BRI3BP: variants seen among roughly 807,000 people sequenced by gnomAD.
The protein encoded by BRI3BP is BRI3-binding protein.
BRI3BP carries 7 observed loss-of-function variants against 15.8 expected under a neutral mutation model. The ratio of observed to expected loss-of-function variants is 0.44; its 90% CI spans 0.25 to 0.83. The LOEUF is 0.83. Among genes scored for constraint, BRI3BP ranks in the 40% least tolerant of loss-of-function variants. BRI3BP has a pLI of 0.20. For missense variants in BRI3BP, 320 were observed against 339.3 expected (o/e 0.94, Z 0.45); for synonymous variants, 192 against 163.5 (o/e 1.17, Z -1.33).
rs1716595412 is a variant in BRI3BP, at chr12:125,026,154, C to T, written c.*724C>T. On this transcript the variant is annotated 3_prime_UTR_variant, in exon 3 of 3. Coordinates refer to ENST00000341446, the MANE Select transcript of BRI3BP (RefSeq NM_080626.6). ...CCTCTGTGCTTCGATGTATTTTAAC[C>T]TCAACATTTTGAAACGGAAAATGCA... 6.6e-6 allele frequency: 1 copy of T among 152,122 alleles called. No homozygotes were observed. The highest frequency in any genetic ancestry group is 2.1e-4 in the South Asian group (1 of 4,828). 9.4% of individuals were successfully genotyped at this position (152,122 alleles called of 1,614,324 possible).
chr12:125,042,565 C>T, the BRI3BP span, among the ~76,000 whole-genome samples: 6 of 151,002 alleles, frequency 4.0e-5, no homozygotes, highest in Middle Eastern at 3.4e-3. Context: ...GAGTCTCACT[C>T]ACTCTGTTGC....
At chr12:125,003,973 AC>A (rs1183259397) in intron 1 of BRI3BP, among the ~76,000 whole-genome samples, 1 of 148,894 alleles carries the variant, frequency 6.7e-6, no homozygotes, top group East Asian at 2.0e-4. Context: ...ACACACACAC[AC>A]ACACACACAC....
chr12:125,023,582 C>G (rs1305201810), intron 2 of BRI3BP, among the ~76,000 whole-genome samples: 1 of 152,176 alleles, frequency 6.6e-6, no homozygotes, highest in African/African-American at 2.4e-5. Flanking sequence ...AAGTCTTACT[C>G]TGTCACACAG....
At chr12:125,001,147 T>C (rs1417872111) in intron 1 of BRI3BP, among the ~76,000 whole-genome samples, 3 of 151,958 alleles carry the variant, frequency 2.0e-5, no homozygotes, top group African/African-American at 4.8e-5. Flanking sequence ...CTCCACCTCC[T>C]GTGTTCACGC....
intron 1 of BRI3BP, among the ~76,000 whole-genome samples, chr12:125,010,762 C>G (rs187517154): frequency 5.3e-5 from 8 of 151,326 alleles, no homozygotes; most frequent in Admixed American, 4.6e-4. Context: ...GGCGACAAAG[C>G]GAGACTCCAA....
chr12:125,037,345 G>A, the BRI3BP span, among the ~76,000 whole-genome samples: 7 of 152,136 alleles, frequency 4.6e-5, no homozygotes, highest in African/African-American at 1.7e-4. Flanking sequence ...GGCGTGAGCC[G>A]CCACGCCCTG....
chr12:125,010,435 C>G (rs377270561), intron 1 of BRI3BP, among the ~76,000 whole-genome samples: 2 of 152,160 alleles, frequency 1.3e-5, no homozygotes, highest in South Asian at 4.1e-4. Context: ...CAGCCCTGCT[C>G]TTATCTCCTC....
At chr12:125,021,594 TAA>T (rs942901891) in intron 2 of BRI3BP, among the ~76,000 whole-genome samples, 2 of 152,110 alleles carry the variant, frequency 1.3e-5, no homozygotes, top group African/African-American at 4.8e-5. Flanking sequence ...AATTTATAAA[TAA>T]AAGAGATTTA....
At chr12:124,994,193 G>T (rs1434036531) in intron 1 of BRI3BP, among the ~76,000 whole-genome samples, 190 bp downstream of exon 1, 4 of 151,824 alleles carry the variant, frequency 2.6e-5, no homozygotes, top group Non-Finnish European at 5.9e-5. Context: ...GCGGGTCTGG[G>T]CGGCCGGGCC....
chr12:125,002,537 A>G (rs1286516544), intron 1 of BRI3BP, among the ~76,000 whole-genome samples: 3 of 150,264 alleles, frequency 2.0e-5, no homozygotes, highest in African/African-American at 7.3e-5. Context: ...GCTCACTGCA[A>G]CCTCCGCCTC....
At chr12:125,011,904 C>T (rs761234139) in intron 1 of BRI3BP, among the ~76,000 whole-genome samples, 20 of 152,068 alleles carry the variant, frequency 1.3e-4, no homozygotes, top group Admixed American at 3.3e-4. Flanking sequence ...ATGAGAAACC[C>T]GCAGGGTGCG....
At chr12:125,044,852 T>TA in the BRI3BP span, among the ~76,000 whole-genome samples, 3 of 152,066 alleles carry the variant, frequency 2.0e-5, no homozygotes, top group Non-Finnish European at 4.4e-5. Flanking sequence ...GTGATCCTCC[T>TA]ACCTCAGCCT....
chr12:125,025,552 T>G lies in BRI3BP; in HGVS notation c.*122T>G. ...ACACGACTGAGCAAGAAAGTGGCGCTGTGTAGGGCTATTTCCACCCACCCG... is the reference window on the plus strand; with the variant it reads ...ACACGACTGAGCAAGAAAGTGGCGCGGTGTAGGGCTATTTCCACCCACCCG... On this transcript the variant is annotated 3_prime_UTR_variant, in exon 3 of 3. Transcript: ENST00000341446. 5.8e-6 allele frequency: 6 copies of G among 1,039,326 alleles called. No homozygotes were observed. The highest frequency in any genetic ancestry group is 8.1e-6 in the Non-Finnish European group (6 of 740,510). The allele number at this position is 1,039,326 out of a possible 1,614,324, so 64.4% of individuals were successfully genotyped here. A position where few individuals can be genotyped will look rare whatever the true frequency, so the allele number is the denominator to read the frequency against.
At chr12:124,996,606 G>A (rs1275640624) in intron 1 of BRI3BP, among the ~76,000 whole-genome samples, 2 of 152,122 alleles carry the variant, frequency 1.3e-5, no homozygotes, top group African/African-American at 2.4e-5. Flanking sequence ...GATTACAGGC[G>A]TAAGCCACCG....
the BRI3BP span, among the ~76,000 whole-genome samples, chr12:125,051,143 A>G: frequency 6.6e-6 from 1 of 152,210 alleles, no homozygotes; most frequent in Non-Finnish European, 1.5e-5. Context: ...TCTCTTTAGG[A>G]TTAAATGAGG....
chr12:125,006,676 C>T lies in BRI3BP; in HGVS notation c.214-5858C>T, dbSNP rs114154813. On this transcript the variant is annotated intron_variant, in intron 1 of 2. Coordinates refer to ENST00000341446, the MANE Select transcript of BRI3BP (RefSeq NM_080626.6). ...ACCTGCCGTGTGCTGGGCGCCACGC[C>T]GAGGTCTTTACAGGTTCTGCTCTTG... Among the ~76,000 whole-genome samples the T allele has an allele frequency of 5.9e-3, 897 of 152,310 alleles. 11 individuals carry two copies. Among genetic ancestry groups the T allele is most frequent in the African/African-American group, 0.021 (862 of 41,574 alleles).
At chr12:125,014,844 C>CT (rs533348069) in intron 2 of BRI3BP, among the ~76,000 whole-genome samples, 88 of 152,258 alleles carry the variant, frequency 5.8e-4, no homozygotes, top group African/African-American at 1.9e-3. Context: ...TCACAGCTCA[C>CT]TACAGCCTCA....
At chr12:125,007,429 A>G (rs961493714) in intron 1 of BRI3BP, among the ~76,000 whole-genome samples, 1 of 152,008 alleles carries the variant, frequency 6.6e-6, no homozygotes, top group African/African-American at 2.4e-5. Flanking sequence ...TGTGTCTGTA[A>G]TTCCAGTTAC....
At chr12:124,995,639 T>C (rs755232963) in intron 1 of BRI3BP, among the ~76,000 whole-genome samples, 23 of 152,322 alleles carry the variant, frequency 1.5e-4, no homozygotes, top group Non-Finnish European at 3.1e-4. Context: ...TACTAATGAT[T>C]ACTAAGTGCT....
Sources: gnomAD v4.1 joint callset for allele counts (sites outside exome capture counted in the v4.1 genomes callset) on GRCh38, gnomAD v4.1.1 for gene constraint, MANE v1.5 for transcripts, NCBI Gene and HGNC (gene_info 2026-07-23, HGNC 2026-07-21) for gene names.